The following KCNG2 variants were observed in gnomAD, a reference collection of about 807,000 sequenced individuals.
The protein encoded by KCNG2 is potassium voltage-gated channel modifier subfamily G member 2.
KCNG2 carries 7 observed loss-of-function variants against 12.3 expected under a neutral mutation model. The observed-to-expected ratio is 0.57, with a 90% CI of 0.32 to 1.07. The LOEUF (loss-of-function observed/expected upper bound fraction) is 1.07. KCNG2 is among the 50% of genes least tolerant of loss of function. The probability of loss-of-function intolerance (pLI) is 0.04; values close to 1 mark genes in which losing one functional copy is unlikely to be tolerated. For missense variants in KCNG2, 703 were observed against 726.0 expected, an observed-to-expected ratio of 0.97 and a Z score of 0.36; for synonymous variants, 414 against 351.4, an observed-to-expected ratio of 1.18 and a Z score of -1.99.
rs1392219292 is a variant in KCNG2 at position 79,864,177 on chromosome 18, G to C, written c.510G>C (p.Pro170=). Residue 170 remains proline (P), a synonymous_variant, in exon 3 of 4, where the codon CCG becomes CCC. Coordinates refer to ENST00000316249, the MANE Select transcript of KCNG2 (RefSeq NM_012283.2). ...GCCTGCGCGACGTGGTGGACAACCC[G>C]CACTCGGGGCTGGCGGGCAAGCTCT... is the stretch of plus-strand genomic sequence containing the variant. ...RRRLRDVVDN[P]HSGLAGKLFA... The C allele has an allele frequency of 2.6e-6, 4 of 1,515,490 alleles. No individual in the cohort carries two copies. Among genetic ancestry groups the C allele is most frequent in the Admixed American group, 4.0e-5 (2 of 50,562 alleles). 93.9% of individuals were successfully genotyped at this position (1,515,490 alleles called of 1,614,324 possible). A position where few individuals can be genotyped will look rare whatever the true frequency, so the allele number is the denominator to read the frequency against.
intron 3 of KCNG2, among the ~76,000 whole-genome samples, chr18:79,880,777 A>G (rs1210100893): frequency 6.6e-6 from 1 of 152,254 alleles, no homozygotes; most frequent in Non-Finnish European, 1.5e-5. Flanking sequence ...TTCTCAGGAA[A>G]GCAAGCTTGG....
At chr18:79,849,765 G>C (rs774201957) in intron 1 of KCNG2, among the ~76,000 whole-genome samples, 11 of 152,226 alleles carry the variant, frequency 7.2e-5, no homozygotes, top group Non-Finnish European at 1.5e-4. Flanking sequence ...GGCCGCCCTG[G>C]GTGGCGTGGG....
intron 1 of KCNG2, among the ~76,000 whole-genome samples, chr18:79,855,417 C>T (rs892623985): frequency 6.6e-6 from 1 of 152,068 alleles, no homozygotes; most frequent in Non-Finnish European, 1.5e-5. Context: ...TTGCGGGCTG[C>T]CCTGGGGCAG....
chr18:79,843,228 A>C (rs1473320195), intron 1 of KCNG2, among the ~76,000 whole-genome samples: 1 of 152,176 alleles, frequency 6.6e-6, no homozygotes, highest in African/African-American at 2.4e-5. Context: ...AAAAAAAGTC[A>C]ACCAAGAATA....
chr18:79,871,255 C>G (rs920299491), intron 3 of KCNG2, among the ~76,000 whole-genome samples: 1 of 152,258 alleles, frequency 6.6e-6, no homozygotes, highest in African/African-American at 2.4e-5. Context: ...CTCCTGGCAG[C>G]GCAAAACGTG....
intron 3 of KCNG2, among the ~76,000 whole-genome samples, chr18:79,893,707 TCACTC>T (rs1162485909): frequency 6.6e-6 from 1 of 152,210 alleles, no homozygotes; most frequent in Non-Finnish European, 1.5e-5. Context: ...ATTGGGTTGT[TCACTC>T]CATTCACATC....
At chr18:79,876,858 C>T (rs1327206647) in intron 3 of KCNG2, among the ~76,000 whole-genome samples, 3 of 152,222 alleles carry the variant, frequency 2.0e-5, no homozygotes, top group Non-Finnish European at 4.4e-5. Flanking sequence ...TCAGAATGTG[C>T]TGGGGTCAGG....
chr18:79,798,705 G>A (rs1364342198), intron 1 of KCNG2, among the ~76,000 whole-genome samples: 1 of 152,226 alleles, frequency 6.6e-6, no homozygotes, highest in Non-Finnish European at 1.5e-5. Flanking sequence ...CCGTCCTCCG[G>A]CCCGGGGAGC....
At chr18:79,888,825 C>T (rs1980645645) in intron 3 of KCNG2, among the ~76,000 whole-genome samples, 1 of 152,092 alleles carries the variant, frequency 6.6e-6, no homozygotes, top group Non-Finnish European at 1.5e-5. Context: ...CAGAAGTCCA[C>T]CACCACGCCC....
chr18:79,855,996 A>G (rs1415185882), intron 1 of KCNG2, among the ~76,000 whole-genome samples: 1 of 152,048 alleles, frequency 6.6e-6, no homozygotes, highest in Non-Finnish European at 1.5e-5. Context: ...GACGTTTTGC[A>G]GAGAATGGGG....
chr18:79,832,897 A>G (rs1218432808), intron 1 of KCNG2, among the ~76,000 whole-genome samples: 1 of 152,194 alleles, frequency 6.6e-6, no homozygotes, highest in Non-Finnish European at 1.5e-5. Context: ...CTTAAGGTAG[A>G]TCACGGTGAG....
chr18:79,899,774 C>G lies in KCNG2; in HGVS notation c.1359C>G (p.Ala453=). 2 of 1,492,660 alleles carry G rather than the reference C, an allele frequency of 1.3e-6. No individual in the cohort carries two copies. The highest frequency in any genetic ancestry group is 1.8e-6 in the Non-Finnish European group (2 of 1,130,332). 92.5% of individuals were successfully genotyped at this position (1,492,660 alleles called of 1,614,324 possible). The change falls in exon 4 of 4, where the codon GCC becomes GCG. Residue 453 remains alanine, a synonymous_variant. Transcript: ENST00000316249. ...SSQGPDSAGL[A]DDSADALWVR... ...AGGGCCCCGACAGCGCGGGCCTGGC[C>G]GACGACTCCGCGGATGCGCTGTGGG...
intron 1 of KCNG2, among the ~76,000 whole-genome samples, chr18:79,804,430 C>G (rs761696663): frequency 2.6e-4 from 40 of 152,222 alleles, no homozygotes; most frequent in Admixed American, 2.6e-3. Flanking sequence ...CTGGCTGGAG[C>G]CAGTGCTGCG....
At chr18:79,874,763 G>A (rs982073030) in intron 3 of KCNG2, among the ~76,000 whole-genome samples, 4 of 152,350 alleles carry the variant, frequency 2.6e-5, no homozygotes, top group African/African-American at 7.2e-5. Flanking sequence ...GCCGGCCCAG[G>A]TGCGGTGGTG....
In KCNG2 at chr18:79,863,798, AGCGCCTGC is replaced by A. The variant is rs1979324713; in HGVS notation, c.140_147del (p.Arg47ProfsTer11). The A allele has an allele frequency of 1.5e-6, 2 of 1,309,294 alleles. No individual in the cohort carries two copies. The highest frequency in any genetic ancestry group is 2.0e-6 in the Non-Finnish European group (2 of 1,024,124). 81.1% of individuals were successfully genotyped at this position (1,309,294 alleles called of 1,614,324 possible). On this transcript the variant is annotated frameshift_variant, in exon 3 of 4. Coordinates refer to ENST00000316249, the MANE Select transcript of KCNG2 (RefSeq NM_012283.2). LOFTEE classifies it high-confidence loss of function. Reference sequence around the variant, plus strand: ...GCGCGATGCCCCCTCGCGCGCCTGGAGCGCCTGCGCGCCTGCCGCGGCCACGACGACCT... The same window carrying A: ...GCGCGATGCCCCCTCGCGCGCCTGGAGCGCCTGCCGCGGCCACGACGACCT...
At chr18:79,834,064 C>T (rs1308069539) in intron 1 of KCNG2, among the ~76,000 whole-genome samples, 1 of 152,160 alleles carries the variant, frequency 6.6e-6, no homozygotes, top group African/African-American at 2.4e-5. Flanking sequence ...TGGCAGAGGG[C>T]GGTGCTTCCC....
At chr18:79,804,675 T>C (rs1346575301) in intron 1 of KCNG2, among the ~76,000 whole-genome samples, 1 of 152,230 alleles carries the variant, frequency 6.6e-6, no homozygotes, top group Non-Finnish European at 1.5e-5. Context: ...CCAAAGGGAA[T>C]GTGGCATCAA....
At chr18:79,828,142 C>T (rs2123017289) in intron 1 of KCNG2, among the ~76,000 whole-genome samples, 1 of 152,304 alleles carries the variant, frequency 6.6e-6, no homozygotes, top group East Asian at 1.9e-4. Flanking sequence ...CCAGTCTGGT[C>T]TTGAACTCCT....
At chr18:79,862,902 A>G (rs943369479) in intron 2 of KCNG2, among the ~76,000 whole-genome samples, 1 of 152,208 alleles carries the variant, frequency 6.6e-6, no homozygotes, top group East Asian at 1.9e-4. Context: ...TTCTCCTTCC[A>G]GTGCTGGTAC....
Sources: gnomAD v4.1 joint callset for allele counts (sites outside exome capture counted in the v4.1 genomes callset) on GRCh38, gnomAD v4.1.1 for gene constraint, MANE v1.5 for transcripts, NCBI Gene and HGNC (gene_info 2026-07-23, HGNC 2026-07-21) for gene names.